N4BP2: variants seen among roughly 807,000 people sequenced by gnomAD.
The protein encoded by N4BP2 is NEDD4 binding protein 2, also known as NEDD4-binding protein 2.
N4BP2 carries 91 observed loss-of-function variants against 152.8 expected under a neutral mutation model. The observed-to-expected ratio is 0.60, with a 90% confidence interval of 0.50 to 0.71. N4BP2 has a LOEUF of 0.71. N4BP2 is among the 30% of genes least tolerant of loss of function. N4BP2 has a pLI of 0.00. For missense variants in N4BP2, 1,923 were observed against 2,059.1 expected (o/e 0.93, Z 1.28); for synonymous variants, 646 against 705.3 (o/e 0.92, Z 1.33).
chr4:40,140,732 TGCGGCCTTCC>T (rs1471358373), intron 14 of N4BP2, among the ~76,000 whole-genome samples: 1 of 151,914 alleles, frequency 6.6e-6, no homozygotes, highest in African/African-American at 2.4e-5. Context: ...CAGAGGACCC[TGCGGCCTTCC>T]GCAGTGTTTG....
the N4BP2 span, among the ~76,000 whole-genome samples, chr4:40,175,272 G>A: frequency 2.0e-5 from 3 of 148,716 alleles, no homozygotes. Flanking sequence ...CCATATGTGC[G>A]TCAGCTTCCC....
chr4:40,127,610 G>A (rs1224954586), intron 12 of N4BP2, among the ~76,000 whole-genome samples: 1 of 151,666 alleles, frequency 6.6e-6, no homozygotes, highest in African/African-American at 2.4e-5. Flanking sequence ...ATATATATTA[G>A]TAATAAGAAA....
At chr4:40,088,571 G>A (rs186106193) in intron 2 of N4BP2, among the ~76,000 whole-genome samples, 79 of 150,104 alleles carry the variant, frequency 5.3e-4, no homozygotes, top group African/African-American at 1.9e-3. Flanking sequence ...TGTGATCTCC[G>A]CTCACTGCAG....
chr4:40,164,099 A>G, the N4BP2 span, among the ~76,000 whole-genome samples: 267 of 152,336 alleles, frequency 1.8e-3, no homozygotes, highest in African/African-American at 6.0e-3. Context: ...GAAAGGAGAC[A>G]AAATTCACGA....
At chr4:40,070,929 G>C (rs1342301260) in intron 1 of N4BP2, among the ~76,000 whole-genome samples, 1 of 150,690 alleles carries the variant, frequency 6.6e-6, no homozygotes, top group Non-Finnish European at 1.5e-5. Context: ...AGTTCATGCA[G>C]TTCTCTTGCC....
chr4:40,084,676 C>G (rs1713754715), intron 2 of N4BP2, among the ~76,000 whole-genome samples: 1 of 147,236 alleles, frequency 6.8e-6, no homozygotes, highest in African/African-American at 2.5e-5. Context: ...TGTTGCCAGG[C>G]TGGAGTGCAG....
chr4:40,162,294 G>T (rs1343438628), downstream of N4BP2, among the ~76,000 whole-genome samples: 2 of 152,088 alleles, frequency 1.3e-5, no homozygotes, highest in Non-Finnish European at 2.9e-5. Context: ...TTGAGGTCAG[G>T]AGTTCAAAAC....
rs896863830 is a variant in N4BP2, at chr4:40,154,870, G to A, written c.*633G>A. The A allele has an allele frequency of 1.3e-5, 2 of 151,994 alleles. No homozygotes were observed. The highest frequency in any genetic ancestry group is 2.4e-5 in the African/African-American group (1 of 41,334). The allele number at this position is 151,994 out of a possible 1,614,324, so 9.4% of individuals were successfully genotyped here. On this transcript the variant is annotated 3_prime_UTR_variant, in exon 18 of 18. Transcript: ENST00000261435. ...TGTGCATTTTATGGAAAGAAAGTTGGGTCTGAGATTATATTGTAATTTTAT... is the reference window on the plus strand; with the variant it reads ...TGTGCATTTTATGGAAAGAAAGTTGAGTCTGAGATTATATTGTAATTTTAT...
chr4:40,163,278 G>A, the N4BP2 span, among the ~76,000 whole-genome samples: 2 of 152,156 alleles, frequency 1.3e-5, no homozygotes, highest in Non-Finnish European at 2.9e-5. Flanking sequence ...ACCCGCTGGG[G>A]TAGGTATTAT....
At chr4:40,089,502 T>A (rs116279458) in intron 2 of N4BP2, among the ~76,000 whole-genome samples, 1 of 145,482 alleles carries the variant, frequency 6.9e-6, no homozygotes, top group Non-Finnish European at 1.5e-5. Context: ...ACTAGTGCCA[T>A]CTTGGGTCAC....
chr4:40,111,510 G>A (rs914197085), intron 5 of N4BP2, among the ~76,000 whole-genome samples: 7 of 152,140 alleles, frequency 4.6e-5, no homozygotes, highest in South Asian at 2.1e-4. Context: ...TAGTGGAGAC[G>A]GGGTTTCAAT....
intron 1 of N4BP2, among the ~76,000 whole-genome samples, chr4:40,062,299 C>T (rs1171450680): frequency 1.3e-5 from 2 of 151,984 alleles, no homozygotes; most frequent in South Asian, 2.1e-4. Flanking sequence ...AGGATAGTCT[C>T]GATCTCCTGA....
At chr4:40,118,370 T>C (rs1412738161) in intron 8 of N4BP2, among the ~76,000 whole-genome samples, 1 of 152,140 alleles carries the variant, frequency 6.6e-6, no homozygotes, top group East Asian at 1.9e-4. Flanking sequence ...GAGCTGAGGT[T>C]GCGGTGAGCC....
intron 12 of N4BP2, among the ~76,000 whole-genome samples, chr4:40,128,678 C>A (rs1251217961): frequency 6.6e-6 from 1 of 151,836 alleles, no homozygotes; most frequent in Admixed American, 6.6e-5. Context: ...CAGGCATGCG[C>A]CACCATACCC....
intron 14 of N4BP2, 192 bp from the exon 15 acceptor site, chr4:40,142,481 G>A (rs989734967): frequency 5.5e-6 from 3 of 541,386 alleles, no homozygotes; most frequent in Non-Finnish European, 1.0e-5. Context: ...GGTAACCTTA[G>A]CGGCATAAAA....
chr4:40,144,304 C>CT (rs1315937983), intron 15 of N4BP2, among the ~76,000 whole-genome samples: 1 of 152,186 alleles, frequency 6.6e-6, no homozygotes, highest in Non-Finnish European at 1.5e-5. Flanking sequence ...CACCAGCCAT[C>CT]TAGGTATCCC....
At chr4:40,171,548 C>A in the N4BP2 span, among the ~76,000 whole-genome samples, 1 of 152,060 alleles carries the variant, frequency 6.6e-6, no homozygotes, top group Non-Finnish European at 1.5e-5. Flanking sequence ...AAGTCCTAAC[C>A]CCCAGTACTC....
At chr4:40,145,038 G>C (rs1720384362) in intron 16 of N4BP2, among the ~76,000 whole-genome samples, 1 of 152,130 alleles carries the variant, frequency 6.6e-6, no homozygotes, top group Non-Finnish European at 1.5e-5. Flanking sequence ...GGAGGGCATG[G>C]TGTAATCTGC....
At chr4:40,163,980 C>T in the N4BP2 span, among the ~76,000 whole-genome samples, 2 of 152,166 alleles carry the variant, frequency 1.3e-5, no homozygotes, top group Non-Finnish European at 2.9e-5. Flanking sequence ...AGTTAAGTGA[C>T]TTTTCTCCAG....
Sources: gnomAD v4.1 joint callset for allele counts (sites outside exome capture counted in the v4.1 genomes callset) on GRCh38, gnomAD v4.1.1 for gene constraint, MANE v1.5 for transcripts, NCBI Gene and HGNC (gene_info 2026-07-23, HGNC 2026-07-21) for gene names.